Variants in VSTM2A observed in about 807,000 individuals in gnomAD.
VSTM2A encodes the protein V-set and transmembrane domain-containing protein 2A.
VSTM2A carries 13 observed loss-of-function variants against 27.3 expected under a neutral mutation model. The ratio of observed to expected loss-of-function variants is 0.48; its 90% CI spans 0.31 to 0.76. VSTM2A has a LOEUF of 0.76. VSTM2A is among the 30% of genes least tolerant of loss of function. The probability of loss-of-function intolerance (pLI) is 0.05; values close to 1 mark genes in which losing one functional copy is unlikely to be tolerated. For missense variants in VSTM2A, 280 were observed against 310.0 expected, an observed-to-expected ratio of 0.90 and a Z score of 0.73; for synonymous variants, 142 against 125.7, an observed-to-expected ratio of 1.13 and a Z score of -0.87.
chr7:54,560,841 G>GC (rs1015553666), intron 4 of VSTM2A, among the ~76,000 whole-genome samples: 1 of 152,092 alleles, frequency 6.6e-6, no homozygotes, highest in African/African-American at 2.4e-5. Flanking sequence ...GTTAAATAAT[G>GC]CAGTGAAATA....
intron 4 of VSTM2A, chr7:54,558,640 T>C (rs537600875): frequency 6.6e-6 from 1 of 152,160 alleles, no homozygotes; most frequent in African/African-American, 2.4e-5. Flanking sequence ...GAAATATGAA[T>C]AGATATTAAA....
At chr7:54,565,387 G>T (rs1788689979) in intron 4 of VSTM2A, among the ~76,000 whole-genome samples, 1 of 152,186 alleles carries the variant, frequency 6.6e-6, no homozygotes, top group Admixed American at 6.5e-5. Flanking sequence ...CCGTTTTGGA[G>T]GGCAAGGTGT....
In VSTM2A at chr7:54,570,818, T is replaced by C. The variant is rs1788871679; in HGVS notation, c.*1599T>C. 6.6e-6 allele frequency: 1 copy of C among 152,124 alleles called. No individual in the cohort carries two copies. Among genetic ancestry groups the C allele is most frequent in the African/African-American group, 2.4e-5 (1 of 41,430 alleles). The allele number at this position is 152,124 out of a possible 1,614,324, so 9.4% of individuals were successfully genotyped here. ...TTACAAAACCAGAAGATCAGCTATG[T>C]GGGGCCATCAGCTCCCAGCCTAAGG... On this transcript the variant is annotated 3_prime_UTR_variant, in exon 5 of 5. Transcript: ENST00000402613.
At chr7:54,561,375 TG>T (rs200098269) in intron 4 of VSTM2A, among the ~76,000 whole-genome samples, 10,480 of 152,266 alleles carry the variant, frequency 0.069, 428 homozygotes, top group African/African-American at 0.12. Context: ...TGTAATTTGG[TG>T]AACGTTTAAG....
intron 4 of VSTM2A, chr7:54,558,071 A>G (rs1788429066): frequency 6.6e-6 from 1 of 152,252 alleles, no homozygotes; most frequent in African/African-American, 2.4e-5. Flanking sequence ...ATTATAAAAC[A>G]TGATAAAATT....
chr7:54,554,632 C>G (rs1788294177), intron 4 of VSTM2A, among the ~76,000 whole-genome samples: 1 of 152,206 alleles, frequency 6.6e-6, no homozygotes, highest in Non-Finnish European at 1.5e-5. Context: ...AATTCTAGAC[C>G]TATCCTTTAC....
intron 4 of VSTM2A, chr7:54,558,294 T>C (rs1314051715): frequency 6.6e-6 from 1 of 152,072 alleles, no homozygotes; most frequent in Non-Finnish European, 1.5e-5. Context: ...AAAAATAAAA[T>C]AGGAATATAA....
At chr7:54,547,063 G>A in intron 3 of VSTM2A, 66 bp downstream of exon 3, 2 of 1,490,212 alleles carry the variant, frequency 1.3e-6, no homozygotes, top group Non-Finnish European at 1.8e-6. Flanking sequence ...CCCTGTCCCC[G>A]AGAAGGCGGC....
At chr7:54,564,653 C>T (rs1009461994) in intron 4 of VSTM2A, among the ~76,000 whole-genome samples, 10 of 152,176 alleles carry the variant, frequency 6.6e-5, no homozygotes, top group Non-Finnish European at 1.5e-4. Flanking sequence ...CATTCTCTCC[C>T]TGTCACTAAC....
At chr7:54,562,984 A>G (rs77908132) in intron 4 of VSTM2A, among the ~76,000 whole-genome samples, 2,776 of 152,330 alleles carry the variant, frequency 0.018, 84 homozygotes, top group African/African-American at 0.06. Flanking sequence ...TCTATATATC[A>G]GTAAATGTAG....
intron 4 of VSTM2A, among the ~76,000 whole-genome samples, chr7:54,562,267 A>G (rs1206231405): frequency 6.6e-6 from 1 of 152,098 alleles, no homozygotes. Flanking sequence ...TTATTTTTCA[A>G]TTTACATAAG....
rs562690627 is a variant in VSTM2A, at chr7:54,569,991, C to T, written c.*772C>T. On this transcript the variant is annotated 3_prime_UTR_variant, in exon 5 of 5. Transcript: ENST00000402613. ...TTTTTTTGACGAAGCATTTGTTTTT[C>T]GTTGATAATTCATACACTGCGTGAA... 2 of 152,154 alleles carry T rather than the reference C, an allele frequency of 1.3e-5. No individual in the cohort carries two copies. The highest frequency in any genetic ancestry group is 2.1e-4 in the South Asian group (1 of 4,826). 9.4% of individuals were successfully genotyped at this position (152,154 alleles called of 1,614,324 possible).
chr7:54,554,147 A>T, intron 4 of VSTM2A: 1 of 1,523,438 alleles, frequency 6.6e-7, no homozygotes, highest in Non-Finnish European at 8.8e-7. Flanking sequence ...CCAATTCCCC[A>T]CCCTCTCACA....
rs922897826 is a variant in VSTM2A at position 54,569,145 on chromosome 7, C to A, written c.649C>A (p.Pro217Thr). 1 of 1,558,360 alleles carries A rather than the reference C, an allele frequency of 6.4e-7. No homozygotes were observed. The highest frequency in any genetic ancestry group is 1.4e-5 in the African/African-American group (1 of 73,594). ...TCTTCTTAAAGCAAAGAGCAAATCG[C>A]CTGTAAAATCTACGGAGCGGACAGC... ...QSPQSAKSKSPVKSTERTAKL... is the reference protein window; with the variant it reads ...QSPQSAKSKSTVKSTERTAKL... Residue 217 changes from proline to threonine, a missense_variant, in exon 5 of 5, where the codon CCT becomes ACT. Coordinates refer to ENST00000402613, the MANE Select transcript of VSTM2A (RefSeq NM_001301009.2).
intron 4 of VSTM2A, among the ~76,000 whole-genome samples, chr7:54,565,151 G>T (rs535474148): frequency 1.4e-5 from 2 of 138,646 alleles, no homozygotes; most frequent in African/African-American, 5.1e-5. Context: ...GGTGGTTTCC[G>T]AAAGCGGCAG....
chr7:54,546,381 A>G (rs1462426956), intron 2 of VSTM2A, among the ~76,000 whole-genome samples: 2 of 151,608 alleles, frequency 1.3e-5, no homozygotes, highest in African/African-American at 4.8e-5. Flanking sequence ...GACCTAGTTG[A>G]GCGAGAGGCG....
rs760997676 is a variant in VSTM2A, at chr7:54,544,671, T to C, written c.129T>C (p.Asn43=). Residue 43 remains asparagine (N), a synonymous_variant, in exon 2 of 5, where the codon AAT becomes AAC. Coordinates refer to ENST00000402613, the MANE Select transcript of VSTM2A (RefSeq NM_001301009.2). ...ACGTGACGGCGACCGAGGGGCAGAATGTGGAGATGTCCTGCGCCTTCCAGA... is the reference window on the plus strand; with the variant it reads ...ACGTGACGGCGACCGAGGGGCAGAACGTGGAGATGTCCTGCGCCTTCCAGA... ...PRNVTATEGQ[N]VEMSCAFQSG... The C allele has an allele frequency of 3.1e-6, 5 of 1,612,954 alleles. No individual in the cohort carries two copies. The highest frequency in any genetic ancestry group is 2.2e-5 in the South Asian group (2 of 91,086).
chr7:54,563,106 G>T (rs747524973), intron 4 of VSTM2A, among the ~76,000 whole-genome samples: 1 of 152,028 alleles, frequency 6.6e-6, no homozygotes, highest in Non-Finnish European at 1.5e-5. Context: ...AATTTATATT[G>T]TTCTCCTTTG....
chr7:54,554,223 CT>C, intron 4 of VSTM2A: 1 of 1,339,466 alleles, frequency 7.5e-7, no homozygotes, highest in South Asian at 1.5e-5. Flanking sequence ...ACTCTTACCT[CT>C]CTTCTCTTTG....
Sources: gnomAD v4.1 joint callset for allele counts (sites outside exome capture counted in the v4.1 genomes callset) on GRCh38, gnomAD v4.1.1 for gene constraint, MANE v1.5 for transcripts, NCBI Gene and HGNC (gene_info 2026-07-23, HGNC 2026-07-21) for gene names.